OPRK1: variants seen among roughly 807,000 people sequenced by gnomAD.
OPRK1 encodes kappa-type opioid receptor.
In OPRK1, 15 loss-of-function variants were observed where a neutral mutation model predicts 24.5. The observed-to-expected ratio is 0.61, with a 90% CI of 0.41 to 0.94. The LOEUF is 0.94. OPRK1 is among the 40% of genes least tolerant of loss of function. The pLI, the probability that OPRK1 is intolerant of heterozygous loss-of-function variation, is 0.00. For synonymous variants in OPRK1, 205 were observed against 198.0 expected, an observed-to-expected ratio of 1.04 and a Z score of -0.30; for missense variants, 479 against 507.3, an observed-to-expected ratio of 0.94 and a Z score of 0.54.
At chr8:53,238,681 G>C in intron 2 of OPRK1, 1 of 985,500 alleles carries the variant, frequency 1.0e-6, no homozygotes, top group Non-Finnish European at 1.2e-6. Flanking sequence ...AAAATTGGCA[G>C]ACACTGGTGC....
Position 53,234,182 on chromosome 8 carries a change from C to CAAAAAAAAAAAAAAAAAAAAAAAAAAAAA in OPRK1, c.610+576_610+577insTTTTTTTTTTTTTTTTTTTTTTTTTTTTT, listed in dbSNP as rs546459906. Among the ~76,000 whole-genome samples, 14 of 65,348 alleles carry CAAAAAAAAAAAAAAAAAAAAAAAAAAAAA rather than the reference C, an allele frequency of 2.1e-4. 1 individual carries two copies. The highest frequency in any genetic ancestry group is 7.3e-4 in the South Asian group (1 of 1,366). The allele number at this position is 65,348 out of a possible 152,430, so 42.9% of individuals were successfully genotyped here. A position where few individuals can be genotyped will look rare whatever the true frequency, so the allele number is the denominator to read the frequency against. On this transcript the variant is annotated intron_variant, in intron 3 of 3. Coordinates refer to ENST00000265572, the MANE Select transcript of OPRK1 (RefSeq NM_000912.5). Reference sequence around the variant, plus strand: ...CTGGCAACAGAGCAAGACTCTCTCTCAAAAAAAAAAAAAAAAAAAAATCAG... The same window carrying CAAAAAAAAAAAAAAAAAAAAAAAAAAAAA: ...CTGGCAACAGAGCAAGACTCTCTCTCAAAAAAAAAAAAAAAAAAAAAAAAAAAAAAAAAAAAAAAAAAAAAAAAAATCAG...
chr8:53,228,391 T>C lies in OPRK1; in HGVS notation c.*906A>G, dbSNP rs1368319759. ...AGGGAGTCTGAAAGAGATCATGCCA[T>C]GACTAATTCCCAGCAAAATGTCTCA... On this transcript the variant is annotated 3_prime_UTR_variant, in exon 4 of 4. Coordinates refer to ENST00000265572, the MANE Select transcript of OPRK1 (RefSeq NM_000912.5). 6.6e-6 allele frequency: 1 copy of C among 152,198 alleles called. No homozygotes were observed. The highest frequency in any genetic ancestry group is 1.5e-5 in the Non-Finnish European group (1 of 68,038). The allele number at this position is 152,198 out of a possible 1,614,324, so 9.4% of individuals were successfully genotyped here. A position where few individuals can be genotyped will look rare whatever the true frequency, so the allele number is the denominator to read the frequency against.
chr8:53,241,320 A>G (rs939230477), intron 2 of OPRK1, among the ~76,000 whole-genome samples: 4 of 152,196 alleles, frequency 2.6e-5, no homozygotes, highest in African/African-American at 9.7e-5. Context: ...GTTCACCTCA[A>G]TGAAATTAAC....
chr8:53,230,841 G>T (rs1328952574), intron 3 of OPRK1, among the ~76,000 whole-genome samples: 1 of 152,130 alleles, frequency 6.6e-6, no homozygotes, highest in Admixed American at 6.5e-5. Context: ...GCAACACCAT[G>T]AGCGTGATTA....
chr8:53,250,286 A>G (rs1807341965), intron 2 of OPRK1, among the ~76,000 whole-genome samples: 1 of 152,210 alleles, frequency 6.6e-6, no homozygotes. Flanking sequence ...GTTTTGTTTC[A>G]TAAGCCAAAA....
At chr8:53,231,896 T>C (rs1414104962) in intron 3 of OPRK1, among the ~76,000 whole-genome samples, 2 of 152,202 alleles carry the variant, frequency 1.3e-5, no homozygotes, top group African/African-American at 4.8e-5. Context: ...GAGGCTCAGC[T>C]TCCTCCCAAA....
intron 3 of OPRK1, among the ~76,000 whole-genome samples, chr8:53,233,372 T>C (rs1806902925): frequency 6.6e-6 from 1 of 152,168 alleles, no homozygotes; most frequent in Admixed American, 6.5e-5. Flanking sequence ...TGCTTTCTGG[T>C]CAGTTTTGCT....
chr8:53,241,968 C>A (rs1039653794), intron 2 of OPRK1, among the ~76,000 whole-genome samples: 1 of 152,228 alleles, frequency 6.6e-6, no homozygotes, highest in Non-Finnish European at 1.5e-5. Context: ...CTAGAAGGAA[C>A]GTTCTAGTGC....
chr8:53,232,845 C>A (rs1180597573), intron 3 of OPRK1, among the ~76,000 whole-genome samples: 1 of 152,110 alleles, frequency 6.6e-6, no homozygotes, highest in African/African-American at 2.4e-5. Context: ...TAATTCTTAG[C>A]TACTATAAAA....
intron 2 of OPRK1, among the ~76,000 whole-genome samples, chr8:53,250,108 A>G (rs1807337241): frequency 7.0e-6 from 1 of 143,202 alleles, no homozygotes. Flanking sequence ...CACAAATAAA[A>G]CCTTCAATTT....
chr8:53,226,289 A>T lies in OPRK1; in HGVS notation c.*3008T>A, dbSNP rs1806683012. 1 of 152,158 alleles carries T rather than the reference A, an allele frequency of 6.6e-6. No individual in the cohort carries two copies. Among genetic ancestry groups the T allele is most frequent in the African/African-American group, 2.4e-5 (1 of 41,432 alleles). The allele number at this position is 152,158 out of a possible 1,614,324, so 9.4% of individuals were successfully genotyped here. ...CTCGAAGGATGCTCTTAGATTGGTA[A>T]CTACTCTGAGATACTAAGAGTGTTT... is the stretch of plus-strand genomic sequence containing the variant. On this transcript the variant is annotated 3_prime_UTR_variant, in exon 4 of 4. Transcript: ENST00000265572.
chr8:53,240,087 C>T lies in OPRK1; in HGVS notation c.258-4976G>A, dbSNP rs530932227. Among the ~76,000 whole-genome samples the T allele has an allele frequency of 7.9e-5, 12 of 152,230 alleles. No individual in the cohort carries two copies. In the South Asian group the frequency reaches 1.5e-3, roughly 18 times the overall value. On this transcript the variant is annotated intron_variant, in intron 2 of 3. Transcript: ENST00000265572. Reference sequence around the variant, plus strand: ...TTTAGCATGAGAAACAGGGCAAGGTCCAGGCAGAAATACTGTAATAATACA... The same window carrying T: ...TTTAGCATGAGAAACAGGGCAAGGTTCAGGCAGAAATACTGTAATAATACA...
intron 2 of OPRK1, among the ~76,000 whole-genome samples, chr8:53,239,873 A>C (rs1807076485): frequency 6.6e-6 from 1 of 152,054 alleles, no homozygotes; most frequent in Admixed American, 6.6e-5. Context: ...TCTTAGAAAT[A>C]CTCTCAGTGT....
intron 2 of OPRK1, among the ~76,000 whole-genome samples, chr8:53,247,647 G>A (rs995561795): frequency 1.9e-4 from 27 of 145,120 alleles, no homozygotes; most frequent in African/African-American, 5.7e-4. Flanking sequence ...AATGAAAAAT[G>A]AAGACTGCAC....
At chr8:53,233,862 G>A (rs1340008818) in intron 3 of OPRK1, among the ~76,000 whole-genome samples, 1 of 152,048 alleles carries the variant, frequency 6.6e-6, no homozygotes, top group African/African-American at 2.4e-5. Context: ...ATTCCAATGT[G>A]CAGCCCAGAG....
Position 53,251,038 on chromosome 8 carries a change from GGT to G in OPRK1, c.-3_-2del, listed in dbSNP as rs1255953212. 6.6e-7 allele frequency: 1 copy of G among 1,524,356 alleles called. No homozygotes were observed. The allele number at this position is 1,524,356 out of a possible 1,614,324, so 94.4% of individuals were successfully genotyped here. A position where few individuals can be genotyped will look rare whatever the true frequency, so the allele number is the denominator to read the frequency against. ...GGAAGATCTGGATCGGGGAGTCCAT[GGT>G]GGGGCGATTGCAGCAGGAAGGCGAG... On this transcript the variant is annotated 5_prime_UTR_variant, in exon 2 of 4. Transcript: ENST00000265572.
At position 53,229,159 on chromosome 8, in the gene OPRK1, C is replaced by G; in HGVS notation, c.*138G>C. On this transcript the variant is annotated 3_prime_UTR_variant, in exon 4 of 4. Transcript: ENST00000265572. ...CACGAACGTGGTCTGCATCTGATGA[C>G]TTCAGACCATGAGATCTCTAAAAGT... 9.3e-7 allele frequency: 1 copy of G among 1,076,908 alleles called. No homozygotes were observed. The highest frequency in any genetic ancestry group is 2.8e-5 in the Admixed American group (1 of 35,466). The allele number at this position is 1,076,908 out of a possible 1,614,324, so 66.7% of individuals were successfully genotyped here. A position where few individuals can be genotyped will look rare whatever the true frequency, so the allele number is the denominator to read the frequency against.
chr8:53,234,204 T>C (rs1259653052), intron 3 of OPRK1, among the ~76,000 whole-genome samples: 1 of 76,084 alleles, frequency 1.3e-5, no homozygotes, highest in African/African-American at 9.0e-5. Context: ...AAAAAAAAAA[T>C]CAGTTGGCTG....
intron 2 of OPRK1, among the ~76,000 whole-genome samples, chr8:53,237,581 G>T (rs1807024096): frequency 6.6e-6 from 1 of 152,100 alleles, no homozygotes; most frequent in South Asian, 2.1e-4. Context: ...GTAGGTACTG[G>T]TATCCTTATT....
Sources: gnomAD v4.1 joint callset for allele counts (sites outside exome capture counted in the v4.1 genomes callset) on GRCh38, gnomAD v4.1.1 for gene constraint, MANE v1.5 for transcripts, NCBI Gene and HGNC (gene_info 2026-07-23, HGNC 2026-07-21) for gene names.